DGKH: variants seen among roughly 807,000 people sequenced by gnomAD.
DGKH encodes the protein diacylglycerol kinase eta.
DGKH carries 90 observed loss-of-function variants against 159.3 expected under a neutral mutation model. That is an observed-to-expected ratio of 0.57 (90% CI 0.48 to 0.67). The LOEUF is 0.67. Ranked by LOEUF, DGKH falls within the 30% of genes least tolerant of loss-of-function variation. DGKH has a pLI of 0.00. For missense variants in DGKH, 1,181 were observed against 1,506.1 expected (o/e 0.78, Z 3.57); for synonymous variants, 536 against 553.8 (o/e 0.97, Z 0.45).
chr13:42,189,170 C>G lies in DGKH; in HGVS notation c.1773C>G (p.Ser591=), dbSNP rs1431872261. The change falls in exon 15 of 30, where the codon TCC becomes TCG. Residue 591 remains serine, a synonymous_variant. Coordinates refer to ENST00000337343, the MANE Select transcript of DGKH (RefSeq NM_178009.5). ...EDAVESSSEE[S]LGESKEQLGD... ...CTGTGGAATCGTCCAGTGAAGAGTC[C>G]CTGGGTGAAAGCAAAGAGCAGCTTG... 4.3e-6 allele frequency: 7 copies of G among 1,614,040 alleles called. No individual in the cohort carries two copies. Among genetic ancestry groups the G allele is most frequent in the Non-Finnish European group, 5.9e-6 (7 of 1,180,024 alleles).
At chr13:42,222,380 G>A (rs1411007219) in intron 29 of DGKH, among the ~76,000 whole-genome samples, 2 of 152,024 alleles carry the variant, frequency 1.3e-5, no homozygotes, top group Non-Finnish European at 2.9e-5. Context: ...TAGATAATTG[G>A]TAGTATAAAG....
chr13:42,098,768 A>G (rs1954595112), intron 1 of DGKH, among the ~76,000 whole-genome samples: 2 of 152,186 alleles, frequency 1.3e-5, no homozygotes, highest in African/African-American at 4.8e-5. Context: ...TCCACTAACA[A>G]CTGTTTGAGT....
intron 16 of DGKH, among the ~76,000 whole-genome samples, chr13:42,190,967 A>G (rs1957048798): frequency 6.6e-6 from 1 of 152,200 alleles, no homozygotes; most frequent in African/African-American, 2.4e-5. Flanking sequence ...CCATCGATCA[A>G]CCTTCTGGGT....
intron 20 of DGKH, among the ~76,000 whole-genome samples, chr13:42,203,422 T>C (rs1957392821): frequency 6.6e-6 from 1 of 152,196 alleles, no homozygotes; most frequent in African/African-American, 2.4e-5. Context: ...TGCTTTTCTT[T>C]ACCTTATCTC....
At chr13:42,129,050 C>A (rs962716563) in intron 2 of DGKH, among the ~76,000 whole-genome samples, 2 of 152,220 alleles carry the variant, frequency 1.3e-5, no homozygotes, top group Non-Finnish European at 2.9e-5. Flanking sequence ...TCATCTGCTA[C>A]TTGCAAAGCA....
At chr13:42,126,410 G>A (rs1955173736) in intron 1 of DGKH, among the ~76,000 whole-genome samples, 1 of 152,152 alleles carries the variant, frequency 6.6e-6, no homozygotes, top group Non-Finnish European at 1.5e-5. Flanking sequence ...TCTGAGGGAG[G>A]AGAGGGGAGG....
In DGKH at chr13:42,229,646, T is replaced by C. The variant is rs1272071992; in HGVS notation, c.*458T>C. 1 of 153,580 alleles carries C rather than the reference T, an allele frequency of 6.5e-6. No homozygotes were observed. The highest frequency in any genetic ancestry group is 2.4e-5 in the African/African-American group (1 of 41,462). The allele number at this position is 153,580 out of a possible 1,614,324, so 9.5% of individuals were successfully genotyped here. On this transcript the variant is annotated 3_prime_UTR_variant, in exon 30 of 30. Coordinates refer to ENST00000337343, the MANE Select transcript of DGKH (RefSeq NM_178009.5). ...TTAGGAGACTAAAATATAAATTAAG[T>C]TGTGATTTGAATGTAGATTGGTATC...
intron 29 of DGKH, chr13:42,225,239 T>C: frequency 6.4e-7 from 1 of 1,551,538 alleles, no homozygotes; most frequent in African/African-American, 1.4e-5. Flanking sequence ...GTATTTCCAA[T>C]GTGCTTTAGC....
chr13:42,049,105 C>T lies in DGKH; in HGVS notation c.192+140C>T, dbSNP rs1315955919. 2.3e-4 allele frequency: 15 copies of T among 65,524 alleles called. No homozygotes were observed. Among genetic ancestry groups the T allele is most frequent in the Non-Finnish European group, 3.4e-4 (10 of 29,706 alleles). 4.1% of individuals were successfully genotyped at this position (65,524 alleles called of 1,614,324 possible). On this transcript the variant is annotated intron_variant, in intron 1 of 29. Transcript: ENST00000337343. ...GGGAAGGCGGGGAAGGCGGGGAAGG[C>T]GGGGAAGGCGGGGAAGGCGGGGAAG...
In DGKH at chr13:42,219,712, G is replaced by C. The variant is rs1566207625; in HGVS notation, c.3360G>C (p.Arg1120Ser). 1.2e-6 allele frequency: 2 copies of C among 1,613,676 alleles called. No individual in the cohort carries two copies. The highest frequency in any genetic ancestry group is 8.5e-7 in the Non-Finnish European group (1 of 1,179,786). The change falls in exon 28 of 30, where the codon AGG (arginine) becomes AGC (serine). Residue 1120 changes from arginine (R) to serine (S), a missense_variant. Around this residue, in one of 5 missense-constraint regions of DGKH, gnomAD observed 335 missense variants for 495.2 expected, o/e 0.68. Transcript: ENST00000337343. ...AACCTCCTATGGATTGCACCAAAAG[G>C]AACAACAGAAGCACCGTATTTCGAA... ...DEEPPMDCTK[R>S]NNRSTVFRIV...
chr13:42,146,162 T>TTTTC (rs1481798815), intron 3 of DGKH, among the ~76,000 whole-genome samples: 1 of 149,512 alleles, frequency 6.7e-6, no homozygotes, highest in Non-Finnish European at 1.5e-5. Flanking sequence ...TTTTTTTTTT[T>TTTTC]TTTTTTGTAC....
intron 30 of DGKH, among the ~76,000 whole-genome samples, chr13:42,252,881 A>G (rs1958630571): frequency 6.6e-6 from 1 of 151,820 alleles, no homozygotes; most frequent in Non-Finnish European, 1.5e-5. Flanking sequence ...CCAAGGAGCT[A>G]GGATTACAGG....
At chr13:42,070,159 A>T (rs1370176542) in intron 1 of DGKH, 14 of 918,952 alleles carry the variant, frequency 1.5e-5, no homozygotes, top group Non-Finnish European at 2.4e-5. Flanking sequence ...AGGATGGGAG[A>T]GCGCTTCTTC....
intron 3 of DGKH, among the ~76,000 whole-genome samples, chr13:42,143,687 A>G (rs922286498): frequency 5.3e-5 from 8 of 152,154 alleles, no homozygotes; most frequent in Admixed American, 3.9e-4. Context: ...TTATTTGCGT[A>G]GAGGTGTTTA....
In DGKH at chr13:42,214,483, CATTT is replaced by C. The variant is rs1566201114; in HGVS notation, c.3015-23_3015-20del. 4 of 1,593,404 alleles carry C rather than the reference CATTT, an allele frequency of 2.5e-6. No individual in the cohort carries two copies. Among genetic ancestry groups the C allele is most frequent in the Admixed American group, 3.7e-5 (2 of 54,522 alleles). ...GCAATACTCAAAAAAGTTTTTTATTCATTTGTTTCATTTTTGCTTTTAGGATATG... is the reference window on the plus strand; with the variant it reads ...GCAATACTCAAAAAAGTTTTTTATTCGTTTCATTTTTGCTTTTAGGATATG... On this transcript the variant is annotated intron_variant, in intron 24 of 29. Coordinates refer to ENST00000337343, the MANE Select transcript of DGKH (RefSeq NM_178009.5).
rs781319351 is a variant in DGKH at position 42,219,259 on chromosome 13, A to G, written c.3243A>G (p.Val1081=). The change falls in exon 27 of 30, where the codon GTA becomes GTG. Residue 1081 remains valine (V), a synonymous_variant. Coordinates refer to ENST00000337343, the MANE Select transcript of DGKH (RefSeq NM_178009.5). ...TGGAATCGCCACATGAAGAGCGAGT[A>G]TCCAATGCCTTACACTCTGTGGAGG... ...LQLESPHEER[V]SNALHSVEVE... is the part of the protein sequence containing the mutation. 2 of 1,613,994 alleles carry G rather than the reference A, an allele frequency of 1.2e-6. No homozygotes were observed. Among genetic ancestry groups the G allele is most frequent in the Admixed American group, 1.7e-5 (1 of 60,010 alleles).
At chr13:42,207,121 C>T (rs59516438) in intron 21 of DGKH, among the ~76,000 whole-genome samples, 8,515 of 48,822 alleles carry the variant, frequency 0.17, 1,676 homozygotes, top group South Asian at 0.24. Context: ...TTCTCTTTCT[C>T]TCTCCTTCCT....
At chr13:42,069,776 A>T in intron 1 of DGKH, 1 of 1,088,592 alleles carries the variant, frequency 9.2e-7, no homozygotes, top group Non-Finnish European at 1.3e-6. Context: ...GTATGGCTAC[A>T]CTCCAGATCA....
intron 29 of DGKH, among the ~76,000 whole-genome samples, chr13:42,249,561 C>A (rs1299376442): frequency 6.6e-6 from 1 of 152,182 alleles, no homozygotes; most frequent in Non-Finnish European, 1.5e-5. Flanking sequence ...TTGCAGGACA[C>A]GTGGTCTCTG....
Sources: gnomAD v4.1 joint callset for allele counts (sites outside exome capture counted in the v4.1 genomes callset) on GRCh38, gnomAD v4.1.1 for gene constraint, gnomAD v4.1.1 regional missense constraint, MANE v1.5 for transcripts, NCBI Gene and HGNC (gene_info 2026-07-23, HGNC 2026-07-21) for gene names.